The following CDC42BPA variants were observed in gnomAD, a reference collection of about 807,000 sequenced individuals.
The protein encoded by CDC42BPA is CDC42 binding protein kinase alpha, also known as serine/threonine-protein kinase MRCK alpha.
A neutral mutation model predicts 223.5 loss-of-function variants in CDC42BPA; 80 were observed. That is an observed-to-expected ratio of 0.36 (90% CI 0.30 to 0.43). CDC42BPA has a LOEUF of 0.43. CDC42BPA is among the 20% of genes least tolerant of loss of function. The probability of loss-of-function intolerance (pLI) is 1.00; values close to 1 mark genes in which losing one functional copy is unlikely to be tolerated. For synonymous variants in CDC42BPA, 694 were observed against 718.6 expected (o/e 0.97, Z 0.55); for missense variants, 1,743 against 2,099.9 (o/e 0.83, Z 3.32).
chr1:227,003,502 C>T (rs1190877536), intron 35 of CDC42BPA, among the ~76,000 whole-genome samples: 1 of 152,220 alleles, frequency 6.6e-6, no homozygotes, highest in African/African-American at 2.4e-5. Flanking sequence ...TCTACAATCG[C>T]ACTGCTTATA....
At chr1:227,092,386 T>C (rs4653787) in intron 15 of CDC42BPA, among the ~76,000 whole-genome samples, 43,152 of 152,032 alleles carry the variant, frequency 0.28, 6,344 homozygotes, top group African/African-American at 0.35. Context: ...CAAAAAGTAT[T>C]TGGGAGAGGG....
At chr1:227,264,489 AT>A (rs1406335939) in intron 1 of CDC42BPA, among the ~76,000 whole-genome samples, 1 of 150,914 alleles carries the variant, frequency 6.6e-6, no homozygotes, top group Non-Finnish European at 1.5e-5. Flanking sequence ...TTCAAATAAG[AT>A]TTATATCCTA....
intron 32 of CDC42BPA, among the ~76,000 whole-genome samples, chr1:227,019,780 T>G (rs191292957): frequency 1.7e-4 from 26 of 152,342 alleles, no homozygotes; most frequent in Admixed American, 1.5e-3. Context: ...ATTACTTTTC[T>G]GAGCAGTAGA....
intron 1 of CDC42BPA, among the ~76,000 whole-genome samples, chr1:227,286,873 C>G (rs1333383057): frequency 4.6e-5 from 7 of 152,192 alleles, no homozygotes; most frequent in Non-Finnish European, 8.8e-5. Flanking sequence ...AGAAAAGAAG[C>G]TGGCATGTCA....
chr1:227,179,022 CCTACAACATGACTGAA>C (rs1667450791), intron 5 of CDC42BPA, among the ~76,000 whole-genome samples: 1 of 152,116 alleles, frequency 6.6e-6, no homozygotes, highest in Non-Finnish European at 1.5e-5. Flanking sequence ...CCTGACATAT[CCTACAACATGACTGAA>C]TCTTGAAAAC....
chr1:227,203,236 T>C (rs1032524431), intron 3 of CDC42BPA, among the ~76,000 whole-genome samples: 3 of 152,326 alleles, frequency 2.0e-5, no homozygotes, highest in African/African-American at 7.2e-5. Flanking sequence ...TGAGTCTAGA[T>C]ATAAAGCACA....
At position 227,051,896 on chromosome 1, in the gene CDC42BPA, T is replaced by A. The variant is rs201787239; in HGVS notation, c.2994A>T (p.Glu998Asp). 1,150 of 1,366,244 alleles carry A rather than the reference T, an allele frequency of 8.4e-4. 1 individual carries two copies. Among genetic ancestry groups the A allele is most frequent in the Non-Finnish European group, 9.5e-4 (970 of 1,021,590 alleles). 84.6% of individuals were successfully genotyped at this position (1,366,244 alleles called of 1,614,324 possible). A position where few individuals can be genotyped will look rare whatever the true frequency, so the allele number is the denominator to read the frequency against. The change falls in exon 22 of 37, where the codon GAA (glutamate) becomes GAT (aspartate). Residue 998 changes from glutamate to aspartate, a missense_variant. Transcript: ENST00000366766. ...SRSTSPSTSS[E>D]AEPVKTVDST... is the part of the protein sequence containing the mutation. ...AATAAGGCACCTTAACTGGCTCAGC[T>A]TCACTAGATGTGGAAGGAGATGTGG...
At chr1:227,079,635 G>A (rs1680216622) in intron 17 of CDC42BPA, among the ~76,000 whole-genome samples, 1 of 152,088 alleles carries the variant, frequency 6.6e-6, no homozygotes, top group African/African-American at 2.4e-5. Flanking sequence ...TAACTGTACT[G>A]TCTAGAACCC....
At chr1:227,140,414 A>G (rs1659464532) in intron 9 of CDC42BPA, among the ~76,000 whole-genome samples, 1 of 152,152 alleles carries the variant, frequency 6.6e-6, no homozygotes, top group Admixed American at 6.6e-5. Flanking sequence ...TGTCACTGCT[A>G]AAGTAACTTT....
In CDC42BPA at chr1:226,991,508, C is replaced by T. The variant is rs768640550; in HGVS notation, c.*2760G>A. ...TGGGAAAACCCTCCCCAAAACTATT[C>T]CCCCTGGCAGTGTTTCTCTCCTAAA... On this transcript the variant is annotated 3_prime_UTR_variant, in exon 37 of 37. Coordinates refer to ENST00000366766, the MANE Select transcript of CDC42BPA (RefSeq NM_001394014.1). 2.6e-5 allele frequency: 4 copies of T among 152,176 alleles called. No individual in the cohort carries two copies. Among genetic ancestry groups the T allele is most frequent in the Non-Finnish European group, 5.9e-5 (4 of 68,048 alleles). 9.4% of individuals were successfully genotyped at this position (152,176 alleles called of 1,614,324 possible).
At chr1:227,009,387 C>T (rs1206712885) in intron 34 of CDC42BPA, among the ~76,000 whole-genome samples, 5 of 151,980 alleles carry the variant, frequency 3.3e-5, no homozygotes, top group Non-Finnish European at 7.4e-5. Context: ...GCAACATTTC[C>T]ATGGTCTTTT....
chr1:227,160,019 CA>C (rs1021876870), intron 6 of CDC42BPA, among the ~76,000 whole-genome samples: 1 of 151,478 alleles, frequency 6.6e-6, no homozygotes, highest in Non-Finnish European at 1.5e-5. Context: ...ATTAAGTAAA[CA>C]AAAAAAACCA....
rs145710304 is a variant in CDC42BPA at position 227,298,848 on chromosome 1, T to G, written c.178+18157A>C. Among the ~76,000 whole-genome samples the G allele has an allele frequency of 3.4e-3, 520 of 152,168 alleles. 2 individuals carry two copies. Among genetic ancestry groups the G allele is most frequent in the Non-Finnish European group, 5.4e-3 (367 of 67,982 alleles). On this transcript the variant is annotated intron_variant, in intron 1 of 36. Coordinates refer to ENST00000366766, the MANE Select transcript of CDC42BPA (RefSeq NM_001394014.1). ...AATTATAAAGATAATTCAATATCCA[T>G]AAAAAAGGAAAATTAATCAAAACTA... is the stretch of plus-strand genomic sequence containing the variant.
At chr1:227,001,390 G>A (rs1364042345) in intron 35 of CDC42BPA, among the ~76,000 whole-genome samples, 2 of 152,194 alleles carry the variant, frequency 1.3e-5, no homozygotes, top group Admixed American at 1.3e-4. Flanking sequence ...AATGCGTTAA[G>A]GGCCTTGACA....
At chr1:227,213,533 T>C (rs1403974187) in intron 2 of CDC42BPA, among the ~76,000 whole-genome samples, 1 of 152,136 alleles carries the variant, frequency 6.6e-6, no homozygotes, top group Non-Finnish European at 1.5e-5. Context: ...GCCCTGGAAT[T>C]CAAACTCAAT....
chr1:227,178,858 CTT>C lies in CDC42BPA; in HGVS notation c.599+14926_599+14927del, dbSNP rs1242273374. ...ACAGTTGCCATTAGTTGTTTTTTCTCTTGAGACTAAATCATAATTTCCTGATA... is the reference window on the plus strand; with the variant it reads ...ACAGTTGCCATTAGTTGTTTTTTCTCGAGACTAAATCATAATTTCCTGATA... On this transcript the variant is annotated intron_variant, in intron 5 of 36. Transcript: ENST00000366766. Among the ~76,000 whole-genome samples, 10 of 152,244 alleles carry C rather than the reference CTT, an allele frequency of 6.6e-5. No individual in the cohort carries two copies. The South Asian group carries it at 1.7e-3, about 25-fold the overall frequency.
chr1:227,287,767 G>A (rs530348103), intron 1 of CDC42BPA, among the ~76,000 whole-genome samples: 6 of 152,220 alleles, frequency 3.9e-5, no homozygotes, highest in Non-Finnish European at 5.9e-5. Flanking sequence ...TACATAAGAC[G>A]TATGGTGATC....
At chr1:227,119,745 CTTA>C (rs1330847532) in intron 12 of CDC42BPA, 56 bp downstream of exon 12, 23 of 1,157,534 alleles carry the variant, frequency 2.0e-5, no homozygotes, top group Non-Finnish European at 2.4e-5. Context: ...TTTCAGTATT[CTTA>C]TTATACAAGA....
chr1:227,266,707 CAT>C (rs1685059739), intron 1 of CDC42BPA, among the ~76,000 whole-genome samples: 1 of 152,174 alleles, frequency 6.6e-6, no homozygotes, highest in African/African-American at 2.4e-5. Flanking sequence ...GAATAGGACT[CAT>C]AATCTTCAGA....
Sources: allele counts gnomAD v4.1 joint callset (sites outside exome capture counted in the v4.1 genomes callset), GRCh38; gene constraint gnomAD v4.1.1; transcripts MANE v1.5; gene names NCBI Gene and HGNC (gene_info 2026-07-23, HGNC 2026-07-21).